BIRC2: variants seen among roughly 807,000 people sequenced by gnomAD.
The protein encoded by BIRC2 is baculoviral IAP repeat containing 2.
Under a neutral mutation model 60.9 loss-of-function variants are expected in BIRC2, and 18 were observed. The ratio of observed to expected loss-of-function variants is 0.30; its 90% CI spans 0.20 to 0.44. The LOEUF is 0.44. BIRC2 is among the 20% of genes least tolerant of loss of function. BIRC2 has a pLI of 1.00. For missense variants in BIRC2, 701 were observed against 728.5 expected (o/e 0.96, Z 0.43); for synonymous variants, 282 against 247.7 (o/e 1.14, Z -1.30).
chr11:102,361,734 T>G (rs1951487571), intron 3 of BIRC2, among the ~76,000 whole-genome samples: 1 of 152,118 alleles, frequency 6.6e-6, no homozygotes, highest in Non-Finnish European at 1.5e-5. Flanking sequence ...GTAATGGCAC[T>G]CACCACATGA....
intron 6 of BIRC2, among the ~76,000 whole-genome samples, chr11:102,373,122 A>G (rs576737077): frequency 0.017 from 2,621 of 150,140 alleles, 79 homozygotes; most frequent in African/African-American, 0.06. Flanking sequence ...TCTTTATCCA[A>G]TTTGCCAGTC....
rs1591545858 is a variant in BIRC2, at chr11:102,377,910, AT to A, written c.1663+15del. 6.2e-7 allele frequency: 1 copy of A among 1,610,032 alleles called. No homozygotes were observed. ...AGAAGATGTTTCAGGTAAAACAAAG[AT>A]TTAAAACCAACATGAACTATTACCC... On this transcript the variant is annotated intron_variant, in intron 8 of 8. Coordinates refer to ENST00000227758, the MANE Select transcript of BIRC2 (RefSeq NM_001166.5).
At chr11:102,351,031 TATAAC>T (rs956375183) in intron 3 of BIRC2, 88 bp downstream of exon 3, 1 of 1,197,692 alleles carries the variant, frequency 8.3e-7, no homozygotes, top group African/African-American at 1.5e-5. Context: ...ACCTTTAAAT[TATAAC>T]AAAGCCTCTT....
chr11:102,366,538 T>C (rs1439750655), intron 5 of BIRC2, among the ~76,000 whole-genome samples: 1 of 151,982 alleles, frequency 6.6e-6, no homozygotes, highest in Non-Finnish European at 1.5e-5. Context: ...GGCTAATTTT[T>C]TGTATTTTTT....
At chr11:102,375,740 CCT>C in intron 6 of BIRC2, among the ~76,000 whole-genome samples, 1 of 151,044 alleles carries the variant, frequency 6.6e-6, no homozygotes, top group South Asian at 2.1e-4. Context: ...AGATCGTGCC[CCT>C]GCACTCCAGC....
rs1197468351 is a variant in BIRC2, at chr11:102,357,530, A to C, written c.996-5366A>C. On this transcript the variant is annotated intron_variant, in intron 3 of 8. Transcript: ENST00000227758. ...CTTTATTTTAGTCTTGATAAATTACAAGTTTCTAGGAATGCATCCATTTCT... is the reference window on the plus strand; with the variant it reads ...CTTTATTTTAGTCTTGATAAATTACCAGTTTCTAGGAATGCATCCATTTCT... 2.6e-5 allele frequency among the ~76,000 whole-genome samples: 4 copies of C among 152,116 alleles called. No homozygotes were observed. In the East Asian group the frequency reaches 7.7e-4, roughly 29 times the overall value.
intron 3 of BIRC2, 38 bp downstream of exon 3, chr11:102,350,981 T>G: frequency 2.5e-6 from 4 of 1,594,758 alleles, no homozygotes; most frequent in Non-Finnish European, 3.4e-6. Flanking sequence ...CAAAAAACTC[T>G]GTGCTTAAAA....
rs1259114133 is a variant in BIRC2, at chr11:102,377,480, TC to T, written c.1367-15del. 1.9e-6 allele frequency: 3 copies of T among 1,576,342 alleles called. No individual in the cohort carries two copies. The highest frequency in any genetic ancestry group is 2.6e-6 in the Non-Finnish European group (3 of 1,170,348). ...GTTTAAAATCTAATGGATTTCTTTT[TC>T]TTTTTTTAATGAAGATGATTTGTCA... On this transcript the variant is annotated splice_polypyrimidine_tract_variant and intron_variant, in intron 6 of 8. Transcript: ENST00000227758.
chr11:102,359,930 CT>C lies in BIRC2; in HGVS notation c.996-2965del, dbSNP rs1565333991. Among the ~76,000 whole-genome samples the C allele has an allele frequency of 3.3e-5, 5 of 149,848 alleles. No homozygotes were observed. The South Asian group carries it at 1.0e-3, about 31-fold the overall frequency. On this transcript the variant is annotated intron_variant, in intron 3 of 8. Transcript: ENST00000227758. ...TTTAAATCAGCTTTCTGTCCTTTCT[CT>C]CTTTTCCTTCTTGAATTCTCGGGTT...
chr11:102,353,727 C>G (rs1951389110), intron 3 of BIRC2, among the ~76,000 whole-genome samples: 1 of 121,146 alleles, frequency 8.3e-6, no homozygotes, highest in South Asian at 2.6e-4. Flanking sequence ...AAAAGATGCT[C>G]TTTCGCAAAT....
At chr11:102,358,970 T>C (rs1292083307) in intron 3 of BIRC2, among the ~76,000 whole-genome samples, 1 of 152,232 alleles carries the variant, frequency 6.6e-6, no homozygotes, top group Admixed American at 6.5e-5. Flanking sequence ...AAGGTAACTA[T>C]TGATGGGTAA....
At chr11:102,368,069 A>C (rs1309837678) in intron 5 of BIRC2, among the ~76,000 whole-genome samples, 1 of 152,254 alleles carries the variant, frequency 6.6e-6, no homozygotes, top group Non-Finnish European at 1.5e-5. Flanking sequence ...TTCATTAAGT[A>C]AGTCTAGGAT....
chr11:102,376,547 T>C (rs1298174278), intron 6 of BIRC2, among the ~76,000 whole-genome samples: 1 of 152,172 alleles, frequency 6.6e-6, no homozygotes, highest in Non-Finnish European at 1.5e-5. Context: ...TAAATTTTTT[T>C]GAAAGTCTGA....
chr11:102,367,957 A>T (rs182051352), intron 5 of BIRC2, among the ~76,000 whole-genome samples: 1 of 152,204 alleles, frequency 6.6e-6, no homozygotes, highest in Non-Finnish European at 1.5e-5. Context: ...TCTCACTTCT[A>T]AGTTCGTATA....
chr11:102,356,923 GCCTCCCAAACTGCTGGGAT>G (rs1951429633), intron 3 of BIRC2, among the ~76,000 whole-genome samples: 1 of 151,938 alleles, frequency 6.6e-6, no homozygotes, highest in Admixed American at 6.5e-5. Context: ...ACCCATCTTG[GCCTCCCAAACTGCTGGGAT>G]TACAGGCGTG....
intron 3 of BIRC2, among the ~76,000 whole-genome samples, chr11:102,353,679 C>CTTTTTTTTTTTTTTTT (rs60766578): frequency 1.2e-5 from 1 of 86,090 alleles, no homozygotes; most frequent in Non-Finnish European, 2.2e-5. Context: ...TAGTAACTTT[C>CTTTTTTTTTTTTTTTT]TTTTTTTTTT....
chr11:102,352,074 A>G (rs1951369196), intron 3 of BIRC2, among the ~76,000 whole-genome samples: 1 of 151,238 alleles, frequency 6.6e-6, no homozygotes, highest in African/African-American at 2.4e-5. Context: ...CCATTCCCCA[A>G]CATCCTGGCA....
Position 102,368,320 on chromosome 11 carries a change from C to A in BIRC2, c.1138C>A (p.Pro380Thr). 1 of 1,611,934 alleles carries A rather than the reference C, an allele frequency of 6.2e-7. No homozygotes were observed. The highest frequency in any genetic ancestry group is 8.5e-7 in the Non-Finnish European group (1 of 1,179,018). Residue 380 changes from proline (P) to threonine (T), a missense_variant, in exon 6 of 9, where the codon CCT becomes ACT. Physicochemically the swap from Pro to Thr is conservative, Grantham distance 38. Around this residue, in one of 4 missense-constraint regions of BIRC2, gnomAD observed 235 missense variants for 208.9 expected, o/e 1.12. Coordinates refer to ENST00000227758, the MANE Select transcript of BIRC2 (RefSeq NM_001166.5). ...NADPPIIHFGPGESSSEDAVM... is the reference protein window; with the variant it reads ...NADPPIIHFGTGESSSEDAVM... ...TTTTCAAATAGTTATTCATTTTGGA[C>A]CTGGAGAAAGTTCTTCAGAAGATGC... is the stretch of plus-strand genomic sequence containing the variant.
In BIRC2 at chr11:102,352,113, T is replaced by TTG. The variant is rs1476973008; in HGVS notation, c.995+1171_995+1172insGT. ...ACCATTGTCTTTCTCTTTTTTTTTT[T>TTG]TTTTGTTTTGTTTTTTTTGAGACGG... is the stretch of plus-strand genomic sequence containing the variant. On this transcript the variant is annotated intron_variant, in intron 3 of 8. Transcript: ENST00000227758. Among the ~76,000 whole-genome samples, 23 of 152,028 alleles carry TTG rather than the reference T, an allele frequency of 1.5e-4. No individual in the cohort carries two copies. The South Asian group carries it at 2.3e-3, about 15-fold the overall frequency.
Sources: allele counts gnomAD v4.1 joint callset (sites outside exome capture counted in the v4.1 genomes callset), GRCh38; gene constraint gnomAD v4.1.1; regional missense constraint gnomAD v4.1.1; transcripts MANE v1.5; gene names NCBI Gene and HGNC (gene_info 2026-07-23, HGNC 2026-07-21).